CASK: variants seen among roughly 807,000 people sequenced by gnomAD.
The protein encoded by CASK is peripheral plasma membrane protein CASK.
A neutral mutation model predicts 82.9 loss-of-function variants in CASK; 4 were observed. The observed-to-expected ratio is 0.05, with a 90% confidence interval of 0.02 to 0.11. The LOEUF (loss-of-function observed/expected upper bound fraction) is 0.11, where lower values mean the gene tolerates loss of function less well. CASK is among the 10% of genes least tolerant of loss of function. CASK has a pLI of 1.00. For synonymous variants in CASK, 259 were observed against 253.5 expected (o/e 1.02, Z -0.20); for missense variants, 358 against 720.9 (o/e 0.50, Z 5.76).
At chrX:41,621,620 C>T (rs1164879519) in intron 11 of CASK, among the ~76,000 whole-genome samples, 1 of 111,822 alleles carries the variant, frequency 8.9e-6, no homozygotes, top group African/African-American at 3.2e-5. Context: ...AGCTAAGCCA[C>T]GCCCAGATTC....
Position 41,520,292 on chromosome X carries a change from AT to A in CASK, c.*127del. ...TATCTATTCGGACATGACAATAATT[AT>A]AAATGTAGGTCACACTACAACTAGG... is the stretch of plus-strand genomic sequence containing the variant. On this transcript the variant is annotated 3_prime_UTR_variant, in exon 27 of 27. Transcript: ENST00000378163. 2 of 458,256 alleles carry A rather than the reference AT, an allele frequency of 4.4e-6. No homozygotes were observed. Among genetic ancestry groups the A allele is most frequent in the Non-Finnish European group, 7.5e-6 (2 of 267,970 alleles). 37.8% of individuals were successfully genotyped at this position (458,256 alleles called of 1,213,427 possible).
intron 8 of CASK, among the ~76,000 whole-genome samples, chrX:41,637,682 C>A (rs779256509): frequency 4.6e-5 from 5 of 109,144 alleles, no homozygotes; most frequent in Non-Finnish European, 7.6e-5. Context: ...CTCATTCTGT[C>A]GCCCAGGCTG....
intron 6 of CASK, among the ~76,000 whole-genome samples, chrX:41,670,390 C>G (rs1262945164): frequency 8.9e-6 from 1 of 112,238 alleles, no homozygotes; most frequent in African/African-American, 3.2e-5. Context: ...GAATGTGAAA[C>G]TAAAAGAAAA....
At chrX:41,532,589 CT>C (rs1318286261) in intron 24 of CASK, among the ~76,000 whole-genome samples, 3 of 110,363 alleles carry the variant, frequency 2.7e-5, no homozygotes, top group African/African-American at 9.9e-5. Flanking sequence ...CCTTCCTTCC[CT>C]TTTTTTCCCT....
At chrX:41,566,153 C>T (rs1458554706) in intron 16 of CASK, among the ~76,000 whole-genome samples, 1 of 111,815 alleles carries the variant, frequency 8.9e-6, no homozygotes, top group Non-Finnish European at 1.9e-5. Context: ...AAACTGGAAG[C>T]ATTCCCTTTG....
chrX:41,559,957 T>C (rs571965672), intron 17 of CASK, 110 bp from the exon 18 acceptor site: 142 of 593,083 alleles, frequency 2.4e-4, no homozygotes, highest in Middle Eastern at 1.6e-3. Context: ...ACAAGCCATC[T>C]GAGAGCACAT....
At chrX:41,553,645 T>C in intron 21 of CASK, 74 bp downstream of exon 21, 1 of 795,009 alleles carries the variant, frequency 1.3e-6, no homozygotes, top group Middle Eastern at 2.8e-4. Context: ...TCTAAAATAA[T>C]ATAAAATTGG....
chrX:41,901,478 C>A (rs1253923763), intron 1 of CASK, among the ~76,000 whole-genome samples: 1 of 106,468 alleles, frequency 9.4e-6, no homozygotes, highest in Non-Finnish European at 1.9e-5. Flanking sequence ...CAGAGTGAGA[C>A]CCTGTCTCAG....
chrX:41,807,958 C>T (rs193211344), intron 2 of CASK, among the ~76,000 whole-genome samples: 13 of 111,665 alleles, frequency 1.2e-4, no homozygotes, highest in Admixed American at 3.8e-4. Context: ...CAGGTTCAAG[C>T]GATTCTCCTG....
intron 1 of CASK, among the ~76,000 whole-genome samples, chrX:41,889,234 C>T (rs781320273): frequency 7.7e-4 from 85 of 110,264 alleles, no homozygotes; most frequent in African/African-American, 2.7e-3. Context: ...TACTGTTTTC[C>T]ATAGTGGTTG....
chrX:41,736,492 C>T (rs1274197885), intron 5 of CASK, among the ~76,000 whole-genome samples: 2 of 110,744 alleles, frequency 1.8e-5, no homozygotes, highest in Non-Finnish European at 3.8e-5. Context: ...AGGGCGAGAC[C>T]CTGTATCAAA....
chrX:41,676,455 C>A (rs2067266431), intron 5 of CASK: 2 of 1,197,872 alleles, frequency 1.7e-6, no homozygotes, highest in Admixed American at 4.4e-5. Flanking sequence ...TCAGCCTGCT[C>A]GGCCAGTTTG....
intron 19 of CASK, among the ~76,000 whole-genome samples, chrX:41,556,745 T>C (rs1207328564): frequency 1.8e-5 from 2 of 112,536 alleles, no homozygotes; most frequent in East Asian, 2.7e-4. Context: ...ATCCTTTGCA[T>C]AGGTTTGAGC....
intron 21 of CASK, among the ~76,000 whole-genome samples, chrX:41,549,207 G>T (rs752502826): frequency 1.2e-4 from 13 of 111,864 alleles, no homozygotes; most frequent in Non-Finnish European, 2.4e-4. Flanking sequence ...AAAGTTTTGG[G>T]GGTCTGGCTG....
chrX:41,885,918 T>C (rs1262122346), intron 1 of CASK, among the ~76,000 whole-genome samples: 1 of 112,384 alleles, frequency 8.9e-6, no homozygotes, highest in Non-Finnish European at 1.9e-5. Context: ...GAAAAAGTAG[T>C]TTCATTATGG....
intron 2 of CASK, 97 bp downstream of exon 2, chrX:41,853,018 G>A: frequency 1.8e-6 from 1 of 569,844 alleles, no homozygotes; most frequent in South Asian, 2.4e-5. Flanking sequence ...CATACCCTCT[G>A]CTTCCCCACC....
At chrX:41,651,876 C>CTT (rs1265549397) in intron 8 of CASK, among the ~76,000 whole-genome samples, 2 of 111,413 alleles carry the variant, frequency 1.8e-5, no homozygotes, top group African/African-American at 6.5e-5. Context: ...AATCCCTAGA[C>CTT]TTATGCAGCT....
chrX:41,823,840 C>A (rs2070601190), intron 2 of CASK, among the ~76,000 whole-genome samples: 1 of 111,071 alleles, frequency 9.0e-6, no homozygotes, highest in African/African-American at 3.3e-5. Context: ...TCCTCATGAT[C>A]ATTTTTTTTC....
At chrX:41,532,923 G>A in intron 24 of CASK, among the ~76,000 whole-genome samples, 1 of 111,068 alleles carries the variant, frequency 9.0e-6, no homozygotes, top group South Asian at 3.9e-4. Flanking sequence ...CGATTTTCAT[G>A]CCTCAGCCAC....
Sources: allele counts gnomAD v4.1 joint callset (sites outside exome capture counted in the v4.1 genomes callset), GRCh38; gene constraint gnomAD v4.1.1; transcripts MANE v1.5; gene names NCBI Gene and HGNC (gene_info 2026-07-23, HGNC 2026-07-21).